The following ZNF793 variants were observed in gnomAD, a reference collection of about 807,000 sequenced individuals.
ZNF793 encodes the protein zinc finger protein 793.
In ZNF793, 5 loss-of-function variants were observed where a neutral mutation model predicts 12.4. The observed-to-expected ratio is 0.40, with a 90% confidence interval of 0.21 to 0.84. The LOEUF (loss-of-function observed/expected upper bound fraction) is 0.84, where lower values mean the gene tolerates loss of function less well. Among genes scored for constraint, ZNF793 ranks in the 40% least tolerant of loss-of-function variants. The pLI is 0.35. For missense variants in ZNF793, 456 were observed against 495.0 expected (o/e 0.92, Z 0.75); for synonymous variants, 162 against 172.4 (o/e 0.94, Z 0.47).
Position 37,540,595 on chromosome 19 carries a change from A to G in ZNF793, c.*2716A>G, listed in dbSNP as rs1245244036. On this transcript the variant is annotated 3_prime_UTR_variant, in exon 8 of 8. Transcript: ENST00000627814. Reference sequence around the variant, plus strand: ...TTTTAACCCAAACCCCAAAGCATATATTATGCCAAAGCCATTTTTTAAAAT... The same window carrying G: ...TTTTAACCCAAACCCCAAAGCATATGTTATGCCAAAGCCATTTTTTAAAAT... 3 of 130,640 alleles carry G rather than the reference A, an allele frequency of 2.3e-5. No individual in the cohort carries two copies. The highest frequency in any genetic ancestry group is 5.5e-5 in the Non-Finnish European group (3 of 54,652). 8.1% of individuals were successfully genotyped at this position (130,640 alleles called of 1,614,324 possible). A position where few individuals can be genotyped will look rare whatever the true frequency, so the allele number is the denominator to read the frequency against.
At chr19:37,523,509 GA>G (rs1568322480) in intron 5 of ZNF793, 55 bp downstream of exon 5, 24 of 1,539,472 alleles carry the variant, frequency 1.6e-5, no homozygotes, top group East Asian at 2.2e-5. Flanking sequence ...TGTCCTAGAG[GA>G]AAAAAAGGGT....
intron 5 of ZNF793, among the ~76,000 whole-genome samples, chr19:37,527,776 T>C (rs989604943): frequency 1.3e-5 from 2 of 152,180 alleles, no homozygotes; most frequent in African/African-American, 4.8e-5. Flanking sequence ...TAGAACTCAC[T>C]GAAAGCTGTT....
At position 37,539,346 on chromosome 19, in the gene ZNF793, T is replaced by G. The variant is rs1181668316; in HGVS notation, c.*1467T>G. ...CTATTCTATATACAGGTTGTATAAC[T>G]CAGAAATGTTTCATGCGTAGACCAC... On this transcript the variant is annotated 3_prime_UTR_variant, in exon 8 of 8. Coordinates refer to ENST00000627814, the MANE Select transcript of ZNF793 (RefSeq NM_001013659.3). The G allele has an allele frequency of 6.6e-6, 1 of 152,234 alleles. No individual in the cohort carries two copies. The highest frequency in any genetic ancestry group is 1.5e-5 in the Non-Finnish European group (1 of 68,022). 9.4% of individuals were successfully genotyped at this position (152,234 alleles called of 1,614,324 possible).
At chr19:37,521,328 G>A (rs1004348143) in intron 3 of ZNF793, among the ~76,000 whole-genome samples, 1 of 150,144 alleles carries the variant, frequency 6.7e-6, no homozygotes, top group Non-Finnish European at 1.5e-5. Flanking sequence ...TCACCATGTT[G>A]ACCAGGCTGG....
chr19:37,529,862 G>T (rs1271415534), intron 5 of ZNF793, among the ~76,000 whole-genome samples: 1 of 152,118 alleles, frequency 6.6e-6, no homozygotes, highest in Non-Finnish European at 1.5e-5. Flanking sequence ...TAGGTGGAAC[G>T]AGAGACTTAG....
chr19:37,518,347 G>C (rs571273979), intron 2 of ZNF793, among the ~76,000 whole-genome samples: 2 of 151,912 alleles, frequency 1.3e-5, no homozygotes, highest in Non-Finnish European at 2.9e-5. Context: ...GGCTAGTCTC[G>C]AACTCCTGAC....
rs976334684 is a variant in ZNF793 at position 37,541,322 on chromosome 19, A to G, written c.*3443A>G. 2 of 152,254 alleles carry G rather than the reference A, an allele frequency of 1.3e-5. No individual in the cohort carries two copies. The highest frequency in any genetic ancestry group is 2.9e-5 in the Non-Finnish European group (2 of 68,046). 9.4% of individuals were successfully genotyped at this position (152,254 alleles called of 1,614,324 possible). A position where few individuals can be genotyped will look rare whatever the true frequency, so the allele number is the denominator to read the frequency against. ...AAGAAAATCAAAGGAGCCTATGTGT[A>G]CAATCTAGGAGTTGGGAGATATTAA... On this transcript the variant is annotated 3_prime_UTR_variant, in exon 8 of 8. Coordinates refer to ENST00000627814, the MANE Select transcript of ZNF793 (RefSeq NM_001013659.3).
intron 5 of ZNF793, among the ~76,000 whole-genome samples, chr19:37,528,345 G>A (rs908292285): frequency 6.6e-6 from 1 of 151,990 alleles, no homozygotes; most frequent in Non-Finnish European, 1.5e-5. Flanking sequence ...ATTGGTGGTT[G>A]ATCATGTAGA....
chr19:37,520,883 A>ATTTTG (rs1254475278), intron 3 of ZNF793, among the ~76,000 whole-genome samples: 1 of 151,956 alleles, frequency 6.6e-6, no homozygotes, highest in South Asian at 2.1e-4. Context: ...ACTGTATATA[A>ATTTTG]TTTTGTTTTG....
rs2042389928 is a variant in ZNF793, at chr19:37,523,394, C to A, written c.-30-16C>A. On this transcript the variant is annotated splice_polypyrimidine_tract_variant and intron_variant, in intron 4 of 7. Transcript: ENST00000627814. ...GTTCTCTCTTTCTCCATCTTCTTCC[C>A]CCCACATGTCTACAGGTGTCAGATC... 1 of 1,602,496 alleles carries A rather than the reference C, an allele frequency of 6.2e-7. No individual in the cohort carries two copies. Among genetic ancestry groups the A allele is most frequent in the Non-Finnish European group, 8.5e-7 (1 of 1,169,700 alleles).
intron 5 of ZNF793, 32 bp from the exon 6 acceptor site, chr19:37,532,324 G>A (rs755567009): frequency 1.6e-5 from 25 of 1,600,376 alleles, no homozygotes; most frequent in Admixed American, 3.5e-5. Flanking sequence ...ATTTTTTTTC[G>A]ACATGACTCA....
At chr19:37,535,460 A>T (rs1387412482) in intron 7 of ZNF793, 1 of 152,232 alleles carries the variant, frequency 6.6e-6, no homozygotes, top group African/African-American at 2.4e-5. Context: ...TAACGTTCAT[A>T]AGATTATAAA....
At chr19:37,515,314 CTT>C (rs764872556) in intron 2 of ZNF793, among the ~76,000 whole-genome samples, 1 of 145,608 alleles carries the variant, frequency 6.9e-6, no homozygotes. Context: ...TTTCTTTTTT[CTT>C]TTTTTTTTTG....
In ZNF793 at chr19:37,537,376, T is replaced by C; in HGVS notation, c.718T>C (p.Ser240Pro). The C allele has an allele frequency of 1.2e-6, 2 of 1,613,026 alleles. No homozygotes were observed. Residue 240 changes from serine to proline, a missense_variant, in exon 8 of 8, where the codon TCT (serine) becomes CCT (proline). Ser to Pro is a moderately conservative substitution (Grantham distance 74, BLOSUM62 -1). Coordinates refer to ENST00000627814, the MANE Select transcript of ZNF793 (RefSeq NM_001013659.3). Reference sequence around the variant, plus strand: ...GTGTGGGAAAGCCTTCTGCTACAAGTCTGAATTCATTAGGCATCAGAGAAG... The same window carrying C: ...GTGTGGGAAAGCCTTCTGCTACAAGCCTGAATTCATTAGGCATCAGAGAAG... ...SECGKAFCYK[S>P]EFIRHQRSHT...
chr19:37,516,077 A>G (rs967361437), intron 2 of ZNF793, among the ~76,000 whole-genome samples: 15 of 152,008 alleles, frequency 9.9e-5, no homozygotes, highest in African/African-American at 3.4e-4. Flanking sequence ...GGTAGAAGAT[A>G]CTGAGTTCAC....
At chr19:37,525,544 C>A (rs1364942493) in intron 5 of ZNF793, among the ~76,000 whole-genome samples, 1 of 149,982 alleles carries the variant, frequency 6.7e-6, no homozygotes, top group African/African-American at 2.5e-5. Flanking sequence ...TCAAGCGATT[C>A]TCCTGCCTTA....
rs1048431043 is a variant in ZNF793 at position 37,541,037 on chromosome 19, T to C, written c.*3158T>C. 1.3e-5 allele frequency: 2 copies of C among 152,042 alleles called. No homozygotes were observed. The highest frequency in any genetic ancestry group is 2.9e-5 in the Non-Finnish European group (2 of 68,020). 9.4% of individuals were successfully genotyped at this position (152,042 alleles called of 1,614,324 possible). On this transcript the variant is annotated 3_prime_UTR_variant, in exon 8 of 8. Transcript: ENST00000627814. ...TAACATGAAGCCATTCTAATGAAAT[T>C]AATATTGTATTGGCAAAGGAACAGG...
chr19:37,537,880 G>A lies in ZNF793; in HGVS notation c.*1G>A. ...CTTAATAATTGTGGGAAATACTTGA[G>A]CAAAATATCTGGTTTCATGGTATGT... On this transcript the variant is annotated 3_prime_UTR_variant, in exon 8 of 8. Transcript: ENST00000627814. 1.9e-6 allele frequency: 3 copies of A among 1,564,690 alleles called. No individual in the cohort carries two copies. Among genetic ancestry groups the A allele is most frequent in the Non-Finnish European group, 2.6e-6 (3 of 1,154,164 alleles).
chr19:37,538,250 T>G lies in ZNF793; in HGVS notation c.*371T>G, dbSNP rs1277213237. The G allele has an allele frequency of 5.9e-6, 1 of 168,106 alleles. No individual in the cohort carries two copies. Among genetic ancestry groups the G allele is most frequent in the East Asian group, 1.7e-4 (1 of 6,016 alleles). The allele number at this position is 168,106 out of a possible 1,614,324, so 10.4% of individuals were successfully genotyped here. On this transcript the variant is annotated 3_prime_UTR_variant, in exon 8 of 8. Coordinates refer to ENST00000627814, the MANE Select transcript of ZNF793 (RefSeq NM_001013659.3). ...GAATTTATCCTTAGGAGAAATCTTATCATTTTAATGAATTTGAACAGTGTG... is the reference window on the plus strand; with the variant it reads ...GAATTTATCCTTAGGAGAAATCTTAGCATTTTAATGAATTTGAACAGTGTG...
Sources: allele counts gnomAD v4.1 joint callset (sites outside exome capture counted in the v4.1 genomes callset), GRCh38; gene constraint gnomAD v4.1.1; transcripts MANE v1.5; gene names NCBI Gene and HGNC (gene_info 2026-07-23, HGNC 2026-07-21).